LTBP4: variants seen among roughly 807,000 people sequenced by gnomAD.
LTBP4 encodes latent transforming growth factor beta binding protein 4, also known as latent-transforming growth factor beta-binding protein 4.
A neutral mutation model predicts 180.2 loss-of-function variants in LTBP4; 93 were observed. The observed-to-expected ratio is 0.52, with a 90% CI of 0.44 to 0.61. LTBP4 has a LOEUF of 0.61. Ranked by LOEUF, LTBP4 falls within the 20% of genes least tolerant of loss-of-function variation. The probability of loss-of-function intolerance (pLI) is 0.00; values close to 1 mark genes in which losing one functional copy is unlikely to be tolerated. For synonymous variants in LTBP4, 947 were observed against 934.5 expected, an observed-to-expected ratio of 1.01 and a Z score of -0.24; for missense variants, 2,116 against 2,256.5, an observed-to-expected ratio of 0.94 and a Z score of 1.26.
Position 40,622,308 on chromosome 19 carries a change from TC to T in LTBP4, c.3218-90del, listed in dbSNP as rs2081591220. On this transcript the variant is annotated intron_variant, in intron 22 of 29. Coordinates refer to ENST00000396819, the MANE Select transcript of LTBP4 (RefSeq NM_001042545.2). The surrounding 1 kb of genome is among the most constrained non-coding windows in gnomAD (Gnocchi z 5.1). ...CCACTGATGGCTGCCACCCTCTGTT[TC>T]CCTATCTATGCCAGCCTCAGTTTCC... is the stretch of plus-strand genomic sequence containing the variant. 15 of 1,375,322 alleles carry T rather than the reference TC, an allele frequency of 1.1e-5. No homozygotes were observed. Among genetic ancestry groups the T allele is most frequent in the Non-Finnish European group, 1.4e-5 (14 of 1,032,836 alleles). The allele number at this position is 1,375,322 out of a possible 1,614,324, so 85.2% of individuals were successfully genotyped here.
intron 29 of LTBP4, 78 bp downstream of exon 29, chr19:40,627,935 G>T: frequency 2.7e-6 from 4 of 1,489,678 alleles, no homozygotes; most frequent in Non-Finnish European, 3.6e-6. Context: ...TGACTAGGGG[G>T]TGCTGGTCAG....
chr19:40,627,943 C>T (rs2081649654), intron 29 of LTBP4, 86 bp downstream of exon 29: 3 of 1,477,802 alleles, frequency 2.0e-6, no homozygotes, highest in Non-Finnish European at 2.7e-6. Flanking sequence ...GGGTGCTGGT[C>T]AGGGACGGGA....
At chr19:40,628,392 G>A (rs899293154) in intron 29 of LTBP4, among the ~76,000 whole-genome samples, 5 of 152,120 alleles carry the variant, frequency 3.3e-5, no homozygotes, top group African/African-American at 9.7e-5. Context: ...AAAATTAGCC[G>A]GGTGTGGTGG....
At position 40,627,238 on chromosome 19, in the gene LTBP4, G is replaced by T; in HGVS notation, c.4249G>T (p.Gly1417Cys). ...CTTTGAGGACGATGGTGGCCCCTAT[G>T]GCGAATCTGAGGCTCCTGCGCCACC... ...PDFEDDGGPY[G>C]ESEAPAPPGP... Residue 1417 changes from glycine (G) to cysteine (C), a missense_variant, in exon 28 of 30, where the codon GGC becomes TGC. Coordinates refer to ENST00000396819, the MANE Select transcript of LTBP4 (RefSeq NM_001042545.2). The T allele has an allele frequency of 6.3e-7, 1 of 1,599,094 alleles. No individual in the cohort carries two copies.
At chr19:40,612,272 C>T in intron 15 of LTBP4, 80 bp downstream of exon 15, 3 of 1,485,634 alleles carry the variant, frequency 2.0e-6, no homozygotes, top group Non-Finnish European at 2.7e-6. Context: ...TATGACCTGG[C>T]CGTAACCTCC....
chr19:40,622,574 G>C lies in LTBP4; in HGVS notation c.3391G>C (p.Ala1131Pro), dbSNP rs1402343790. 6.2e-7 allele frequency: 1 copy of C among 1,613,856 alleles called. No individual in the cohort carries two copies. The highest frequency in any genetic ancestry group is 8.5e-7 in the Non-Finnish European group (1 of 1,179,868). Residue 1131 changes from alanine to proline, a missense_variant, in exon 23 of 30, where the codon GCT becomes CCT. Coordinates refer to ENST00000396819, the MANE Select transcript of LTBP4 (RefSeq NM_001042545.2). This position sits in a 1 kb window ranked among gnomAD's most constrained non-coding sequence, Gnocchi z 5.1. ...AAPDACDNIL[A>P]RNVTWQECCC... Reference sequence around the variant, plus strand: ...CCCGGATGCATGTGACAACATCCTGGCTCGGAATGTGACATGGCAGGAGTG... The same window carrying C: ...CCCGGATGCATGTGACAACATCCTGCCTCGGAATGTGACATGGCAGGAGTG...
At position 40,605,012 on chromosome 19, in the gene LTBP4, G is replaced by GT. The variant is rs1394297461; in HGVS notation, c.251-23_251-22insT. The GT allele has an allele frequency of 4.1e-5, 65 of 1,593,378 alleles. No individual in the cohort carries two copies. The highest frequency in any genetic ancestry group is 1.9e-4 in the Admixed American group (11 of 58,496). The stretch of plus-strand genomic sequence containing the variant: ...ACCTGCCAGGAATGGTGGCGCCCCT[G>GT]AGTGTCCTCGTTCTCCTCCCAGTCC... On this transcript the variant is annotated intron_variant, in intron 1 of 29. Coordinates refer to ENST00000396819, the MANE Select transcript of LTBP4 (RefSeq NM_001042545.2). This position sits in a 1 kb window ranked among gnomAD's most constrained non-coding sequence, Gnocchi z 5.5.
In LTBP4 at chr19:40,629,342, G is replaced by A; in HGVS notation, c.4520-54G>A. Reference sequence around the variant, plus strand: ...TTCCAAGAACTTAAGGGGCCAAGGAGGCGAGCTTCTGGGGCCCCAGCCTTC... The same window carrying A: ...TTCCAAGAACTTAAGGGGCCAAGGAAGCGAGCTTCTGGGGCCCCAGCCTTC... On this transcript the variant is annotated intron_variant, in intron 29 of 29. Transcript: ENST00000396819. The surrounding 1 kb of genome is among the most constrained non-coding windows in gnomAD (Gnocchi z 4.5). The A allele has an allele frequency of 6.2e-7, 1 of 1,608,124 alleles. No individual in the cohort carries two copies. The highest frequency in any genetic ancestry group is 1.3e-5 in the African/African-American group (1 of 74,780).
chr19:40,605,653 G>A lies in LTBP4; in HGVS notation c.690+1G>A. On this transcript the variant is annotated splice_donor_variant, in intron 3 of 29. Transcript: ENST00000396819. LOFTEE classifies it high-confidence loss of function. This position sits in a 1 kb window ranked among gnomAD's most constrained non-coding sequence, Gnocchi z 5.5. ...CTTTCGGGAGCTGCGCGGAGGCGAA[G>A]TGAGAGGAGGCCCGTGGGGAGGGGC... 6.4e-7 allele frequency: 1 copy of A among 1,564,562 alleles called. No homozygotes were observed. The highest frequency in any genetic ancestry group is 8.7e-7 in the Non-Finnish European group (1 of 1,155,456).
At chr19:40,627,443 A>G (rs2081644041) in intron 28 of LTBP4, 88 bp downstream of exon 28, 1 of 1,421,414 alleles carries the variant, frequency 7.0e-7, no homozygotes, top group Non-Finnish European at 9.2e-7. Context: ...GCGGGAGGAG[A>G]GACGGAACAC....
At chr19:40,623,891 G>A (rs2081605127) in intron 25 of LTBP4, 45 bp from the exon 26 acceptor site, 1 of 1,608,938 alleles carries the variant, frequency 6.2e-7, no homozygotes, top group Admixed American at 1.7e-5. Context: ...ATGGGAAAGG[G>A]TGGGGAGAGT....
intron 1 of LTBP4, among the ~76,000 whole-genome samples, chr19:40,603,383 A>G (rs1242175501): frequency 1.3e-5 from 2 of 152,126 alleles, no homozygotes; most frequent in African/African-American, 2.4e-5. Flanking sequence ...GACTCGGCCA[A>G]TTGAGCCTCT....
At position 40,613,076 on chromosome 19, in the gene LTBP4, T is replaced by G; in HGVS notation, c.2311T>G (p.Cys771Gly). The change falls in exon 16 of 30, where the codon TGC (cysteine) becomes GGC (glycine). Residue 771 changes from cysteine to glycine, a missense_variant. By Grantham distance (159) the Cys-to-Gly change is radical. This residue lies in a region of LTBP4 where 877 missense variants were observed against 873.6 expected (regional missense o/e 1.00). Transcript: ENST00000396819. This position sits in a 1 kb window ranked among gnomAD's most constrained non-coding sequence, Gnocchi z 5.0. ...CCCACCCCCCACAGATGTGGACGAA[T>G]GCAGTTCGGGTGCCCCTCCCTGTGG... Reference protein sequence around the residue: ...HRGRCTDVDECSSGAPPCGPH... With the variant: ...HRGRCTDVDEGSSGAPPCGPH... The G allele has an allele frequency of 6.2e-7, 1 of 1,611,994 alleles. No individual in the cohort carries two copies. The highest frequency in any genetic ancestry group is 8.5e-7 in the Non-Finnish European group (1 of 1,179,086).
At chr19:40,617,328 G>T in intron 21 of LTBP4, 103 bp downstream of exon 21, 1 of 1,424,034 alleles carries the variant, frequency 7.0e-7, no homozygotes. Context: ...TTCGGGTTGT[G>T]GAATTTAGAC....
Position 40,611,732 on chromosome 19 carries a change from G to A in LTBP4, c.2054-127G>A. The A allele has an allele frequency of 1.4e-6, 2 of 1,401,836 alleles. No individual in the cohort carries two copies. Among genetic ancestry groups the A allele is most frequent in the East Asian group, 5.0e-5 (2 of 39,792 alleles). 86.8% of individuals were successfully genotyped at this position (1,401,836 alleles called of 1,614,324 possible). On this transcript the variant is annotated intron_variant, in intron 13 of 29. Transcript: ENST00000396819. This position sits in a 1 kb window ranked among gnomAD's most constrained non-coding sequence, Gnocchi z 4.4. ...CACGAGGAAGGTGTCTGTCTTCCTG[G>A]GAAGAGGGAGCAGCCTGAGGCAAGT... is the stretch of plus-strand genomic sequence containing the variant.
chr19:40,610,231 C>G (rs994495120), intron 11 of LTBP4: 3 of 505,840 alleles, frequency 5.9e-6, no homozygotes, highest in Admixed American at 3.6e-5. Context: ...TGACCGCGAC[C>G]CCGATTCCAA....
intron 27 of LTBP4, 126 bp from the exon 28 acceptor site, chr19:40,626,849 A>T: frequency 8.1e-7 from 1 of 1,233,894 alleles, no homozygotes; most frequent in Non-Finnish European, 1.1e-6. Flanking sequence ...CGCTGGCTCC[A>T]GAAACCCCGG....
rs530649925 is a variant in LTBP4 at position 40,613,356 on chromosome 19, C to T, written c.2432-48C>T. 2.5e-5 allele frequency: 39 copies of T among 1,586,280 alleles called. No homozygotes were observed. In the African/African-American group the frequency reaches 4.7e-4, roughly 19 times the overall value. ...TTACTGCGATGTGGGCGGAGCTTGTCTGGGAGGCCGGGTCCCGTGACTCCG... is the reference window on the plus strand; with the variant it reads ...TTACTGCGATGTGGGCGGAGCTTGTTTGGGAGGCCGGGTCCCGTGACTCCG... On this transcript the variant is annotated intron_variant, in intron 16 of 29. Coordinates refer to ENST00000396819, the MANE Select transcript of LTBP4 (RefSeq NM_001042545.2). The surrounding 1 kb of genome is among the most constrained non-coding windows in gnomAD (Gnocchi z 5.0).
At chr19:40,599,059 G>A (rs989497917), upstream of LTBP4, 14 of 790,152 alleles carry the variant, frequency 1.8e-5, no homozygotes, top group Admixed American at 8.0e-5. Context: ...ACTGAGGCGT[G>A]GGGAGAAGAA....
Sources: allele counts gnomAD v4.1 joint callset (sites outside exome capture counted in the v4.1 genomes callset), GRCh38; gene constraint gnomAD v4.1.1; regional missense constraint gnomAD v4.1.1; non-coding constraint Gnocchi (gnomAD v3.1); transcripts MANE v1.5; gene names NCBI Gene and HGNC (gene_info 2026-07-23, HGNC 2026-07-21).